The following ZBTB18 variants were observed in gnomAD, a reference collection of about 807,000 sequenced individuals.
ZBTB18 encodes the protein zinc finger and BTB domain containing 18.
Under a neutral mutation model 37.7 loss-of-function variants are expected in ZBTB18, and 2 were observed. The observed-to-expected ratio is 0.05, with a 90% CI of 0.02 to 0.17. ZBTB18 has a LOEUF of 0.17. Among genes scored for constraint, ZBTB18 ranks in the 10% least tolerant of loss-of-function variants. The probability of loss-of-function intolerance (pLI) is 1.00; values close to 1 mark genes in which losing one functional copy is unlikely to be tolerated. For synonymous variants in ZBTB18, 304 were observed against 276.5 expected (o/e 1.10, Z -0.99); for missense variants, 408 against 686.3 (o/e 0.59, Z 4.53).
In ZBTB18 at chr1:244,055,402, A is replaced by G; in HGVS notation, c.*32A>G. On this transcript the variant is annotated 3_prime_UTR_variant, in exon 2 of 2. Transcript: ENST00000358704. The surrounding 1 kb of genome is among the most constrained non-coding windows in gnomAD (Gnocchi z 7.0). Reference sequence around the variant, plus strand: ...ATATATATAAATAATATATATATATATACATATATATAAATAGATCTCTAT... The same window carrying G: ...ATATATATAAATAATATATATATATGTACATATATATAAATAGATCTCTAT... The G allele has an allele frequency of 1.5e-6, 1 of 648,110 alleles. No homozygotes were observed. The highest frequency in any genetic ancestry group is 2.1e-6 in the Non-Finnish European group (1 of 467,852). The allele number at this position is 648,110 out of a possible 1,614,324, so 40.1% of individuals were successfully genotyped here. A position where few individuals can be genotyped will look rare whatever the true frequency, so the allele number is the denominator to read the frequency against.
In ZBTB18 at chr1:244,055,016, C is replaced by A; in HGVS notation, c.1242C>A (p.Ala414=). 4 of 1,614,180 alleles carry A rather than the reference C, an allele frequency of 2.5e-6. No individual in the cohort carries two copies. The highest frequency in any genetic ancestry group is 2.5e-6 in the Non-Finnish European group (3 of 1,180,036). Residue 414 remains alanine, a synonymous_variant, in exon 2 of 2, where the codon GCC becomes GCA. Coordinates refer to ENST00000358704, the MANE Select transcript of ZBTB18 (RefSeq NM_205768.3). This position sits in a 1 kb window ranked among gnomAD's most constrained non-coding sequence, Gnocchi z 7.0. ...EQDGIRSKPA[A]DVNVPTCSLC... is the part of the protein sequence containing the mutation. ...ACGGCATCCGCAGCAAGCCCGCCGC[C>A]GATGTCAACGTGCCCACGTGCTCGC... is the stretch of plus-strand genomic sequence containing the variant.
At chr1:244,052,138 A>T (rs1424763739) in intron 1 of ZBTB18, among the ~76,000 whole-genome samples, 1 of 152,224 alleles carries the variant, frequency 6.6e-6, no homozygotes, top group East Asian at 1.9e-4. Flanking sequence ...AGACAGCTGT[A>T]ATCGCACTCC....
upstream of ZBTB18, among the ~76,000 whole-genome samples, chr1:244,049,500 C>T (rs1050031157): frequency 2.0e-5 from 3 of 151,512 alleles, no homozygotes; most frequent in Non-Finnish European, 4.4e-5. Context: ...GTGCAGTTGC[C>T]CGGAGGCCCC....
Position 244,054,733 on chromosome 1 carries a change from C to A in ZBTB18, c.959C>A (p.Pro320Gln). The A allele has an allele frequency of 6.2e-7, 1 of 1,614,130 alleles. No homozygotes were observed. Among genetic ancestry groups the A allele is most frequent in the Non-Finnish European group, 8.5e-7 (1 of 1,180,040 alleles). ...VSTNNRVQYE[P>Q]AHLAPLREDS... is the part of the protein sequence containing the mutation. ...ACTAATAACAGGGTACAGTATGAGC[C>A]GGCCCATCTGGCTCCCCTGAGGGAG... The change falls in exon 2 of 2, where the codon CCG (proline) becomes CAG (glutamine). Residue 320 changes from proline to glutamine, a missense_variant. Transcript: ENST00000358704. The surrounding 1 kb of genome is among the most constrained non-coding windows in gnomAD (Gnocchi z 9.0).
At chr1:244,052,221 C>G (rs1039973585) in intron 1 of ZBTB18, among the ~76,000 whole-genome samples, 2 of 152,198 alleles carry the variant, frequency 1.3e-5, no homozygotes, top group South Asian at 4.1e-4. Context: ...TGTTTATAAG[C>G]TTCCTTCTTC....
intron 1 of ZBTB18, among the ~76,000 whole-genome samples, chr1:244,052,619 C>T (rs1698376315): frequency 6.6e-6 from 1 of 152,092 alleles, no homozygotes; most frequent in Admixed American, 6.5e-5. Flanking sequence ...AATTCTGACC[C>T]TTTGTACATC....
chr1:244,050,303 C>A (rs1006883951), upstream of ZBTB18, among the ~76,000 whole-genome samples: 1 of 152,090 alleles, frequency 6.6e-6, no homozygotes, highest in African/African-American at 2.4e-5. Context: ...ACCGGTCAGC[C>A]CAGCCCGGGT....
At chr1:244,048,547 T>G (rs1256722632), upstream of ZBTB18, among the ~76,000 whole-genome samples, 4 of 135,576 alleles carry the variant, frequency 3.0e-5, no homozygotes, top group African/African-American at 1.1e-4. Context: ...GGACTGAGGG[T>G]GGGGGGAACA....
Position 244,054,003 on chromosome 1 carries a change from G to A in ZBTB18, c.229G>A (p.Asp77Asn), listed in dbSNP as rs1252949000. 3 of 1,614,002 alleles carry A rather than the reference G, an allele frequency of 1.9e-6. No individual in the cohort carries two copies. Among genetic ancestry groups the A allele is most frequent in the African/African-American group, 1.3e-5 (1 of 74,964 alleles). ...AAGAGACATTGTTCATCTGAACAGC[G>A]ACATTGTTACAGCCCCCGCTTTCGC... ...DKRDIVHLNS[D>N]IVTAPAFALL... Residue 77 changes from aspartate to asparagine, a missense_variant, in exon 2 of 2, where the codon GAC (aspartate) becomes AAC (asparagine). Around this residue, in one of 4 missense-constraint regions of ZBTB18, gnomAD observed 95 missense variants for 218.7 expected, o/e 0.43. Transcript: ENST00000358704. The surrounding 1 kb of genome is among the most constrained non-coding windows in gnomAD (Gnocchi z 9.0).
Position 244,051,347 on chromosome 1 carries a change from T to C in ZBTB18, c.-85T>C. On this transcript the variant is annotated 5_prime_UTR_variant, in exon 1 of 2. Coordinates refer to ENST00000358704, the MANE Select transcript of ZBTB18 (RefSeq NM_205768.3). ...TCTCTAACATCATCTCCACTTTGCA[T>C]CTGTCTCTCTTAGTCTGCTTTTTTT... 1 of 1,486,526 alleles carries C rather than the reference T, an allele frequency of 6.7e-7. No individual in the cohort carries two copies. The highest frequency in any genetic ancestry group is 9.3e-7 in the Non-Finnish European group (1 of 1,072,060). 92.1% of individuals were successfully genotyped at this position (1,486,526 alleles called of 1,614,324 possible). A position where few individuals can be genotyped will look rare whatever the true frequency, so the allele number is the denominator to read the frequency against.
Position 244,054,221 on chromosome 1 carries a change from A to G in ZBTB18, c.447A>G (p.Lys149=). 6.2e-7 allele frequency: 1 copy of G among 1,614,164 alleles called. No homozygotes were observed. The highest frequency in any genetic ancestry group is 2.2e-5 in the East Asian group (1 of 44,872). Residue 149 remains lysine (K), a synonymous_variant, in exon 2 of 2, where the codon AAA becomes AAG. Transcript: ENST00000358704. This position sits in a 1 kb window ranked among gnomAD's most constrained non-coding sequence, Gnocchi z 9.0. ...AAGATGCTTCAAGTTGTTCGGACAA[A>G]GTCGAGAGTCTCTCCGATGGCAGCA... The part of the protein sequence containing the change: ...KEEDASSCSD[K]VESLSDGSSH...
In ZBTB18 at chr1:244,055,509, T is replaced by C; in HGVS notation, c.*139T>C. ...ATTAACTTGTTTTTGCACTTTAGAA[T>C]AGCATGAGAATCTCACTAATTTAGC... On this transcript the variant is annotated 3_prime_UTR_variant, in exon 2 of 2. Transcript: ENST00000358704. This position sits in a 1 kb window ranked among gnomAD's most constrained non-coding sequence, Gnocchi z 7.0. 1 of 226,598 alleles carries C rather than the reference T, an allele frequency of 4.4e-6. No individual in the cohort carries two copies. The highest frequency in any genetic ancestry group is 8.7e-6 in the Non-Finnish European group (1 of 114,632). The allele number at this position is 226,598 out of a possible 1,614,324, so 14.0% of individuals were successfully genotyped here. A position where few individuals can be genotyped will look rare whatever the true frequency, so the allele number is the denominator to read the frequency against.
chr1:244,055,981 A>G lies in ZBTB18; in HGVS notation c.*611A>G, dbSNP rs544826509. The G allele has an allele frequency of 2.8e-4, 46 of 167,210 alleles. No individual in the cohort carries two copies. The highest frequency in any genetic ancestry group is 1.1e-3 in the African/African-American group (45 of 41,586). 10.4% of individuals were successfully genotyped at this position (167,210 alleles called of 1,614,324 possible). A position where few individuals can be genotyped will look rare whatever the true frequency, so the allele number is the denominator to read the frequency against. ...ACTGGGATCACTGGGACACTGTCTTATGAAGGTTTGCTTGGGATGAAAAAG... is the reference window on the plus strand; with the variant it reads ...ACTGGGATCACTGGGACACTGTCTTGTGAAGGTTTGCTTGGGATGAAAAAG... On this transcript the variant is annotated 3_prime_UTR_variant, in exon 2 of 2. Coordinates refer to ENST00000358704, the MANE Select transcript of ZBTB18 (RefSeq NM_205768.3). The surrounding 1 kb of genome is among the most constrained non-coding windows in gnomAD (Gnocchi z 7.0).
upstream of ZBTB18, among the ~76,000 whole-genome samples, chr1:244,048,660 C>T (rs1443299624): frequency 6.8e-6 from 1 of 147,328 alleles, no homozygotes; most frequent in Non-Finnish European, 1.5e-5. Flanking sequence ...CCCACCCGGC[C>T]CGGCGGCTCC....
rs752824166 is a variant in ZBTB18 at position 244,054,247 on chromosome 1, G to A, written c.473G>A (p.Ser158Asn). Residue 158 changes from serine to asparagine, a missense_variant, in exon 2 of 2, where the codon AGC (serine) becomes AAC (asparagine). Transcript: ENST00000358704. This position sits in a 1 kb window ranked among gnomAD's most constrained non-coding sequence, Gnocchi z 9.0. The stretch of plus-strand genomic sequence containing the variant: ...GTCGAGAGTCTCTCCGATGGCAGCA[G>A]CCACATAGCAGGCGATTTGCCCAGT... ...DKVESLSDGS[S>N]HIAGDLPSDE... 6.2e-7 allele frequency: 1 copy of A among 1,614,192 alleles called. No individual in the cohort carries two copies. The highest frequency in any genetic ancestry group is 2.2e-5 in the East Asian group (1 of 44,884).
intron 1 of ZBTB18, among the ~76,000 whole-genome samples, chr1:244,052,452 G>C (rs1392028141): frequency 2.6e-5 from 4 of 152,228 alleles, no homozygotes; most frequent in Non-Finnish European, 5.9e-5. Context: ...AAGTGTAGAA[G>C]AACAAGAAGA....
chr1:244,050,478 A>C (rs1698327088), upstream of ZBTB18, among the ~76,000 whole-genome samples: 1 of 145,816 alleles, frequency 6.9e-6, no homozygotes, highest in Non-Finnish European at 1.5e-5. Flanking sequence ...ACACAGATCA[A>C]GGGGAAGGCA....
rs548182329 is a variant in ZBTB18, at chr1:244,056,530, A to G, written c.*1160A>G. On this transcript the variant is annotated 3_prime_UTR_variant, in exon 2 of 2. Coordinates refer to ENST00000358704, the MANE Select transcript of ZBTB18 (RefSeq NM_205768.3). ...ATGCCAGCTCAGAGTTTAGGTGTAC[A>G]CATTTACCCAGTTGAGCGTTCTTAG... 19 of 167,256 alleles carry G rather than the reference A, an allele frequency of 1.1e-4. No individual in the cohort carries two copies. The highest frequency in any genetic ancestry group is 5.9e-4 in the Admixed American group (9 of 15,312). 10.4% of individuals were successfully genotyped at this position (167,256 alleles called of 1,614,324 possible).
At chr1:244,050,793 C>A (rs6429447), upstream of ZBTB18, among the ~76,000 whole-genome samples, 1,083 of 152,194 alleles carry the variant, frequency 7.1e-3, 20 homozygotes, top group South Asian at 0.04. Flanking sequence ...GACATGTATA[C>A]CATTATCTCA....
Sources: gnomAD v4.1 joint callset for allele counts (sites outside exome capture counted in the v4.1 genomes callset) on GRCh38, gnomAD v4.1.1 for gene constraint, gnomAD v4.1.1 regional missense constraint, Gnocchi (gnomAD v3.1) non-coding constraint, MANE v1.5 for transcripts, NCBI Gene and HGNC (gene_info 2026-07-23, HGNC 2026-07-21) for gene names.